The following MAX variants were observed in gnomAD, a reference collection of about 807,000 sequenced individuals.
MAX encodes MYC associated transcriptional regulator X, also known as protein max.
In MAX, 3 loss-of-function variants were observed where a neutral mutation model predicts 22.3. That is an observed-to-expected ratio of 0.13 (90% CI 0.06 to 0.35). The LOEUF (loss-of-function observed/expected upper bound fraction) is 0.35, where lower values mean the gene tolerates loss of function less well. MAX is among the 10% of genes least tolerant of loss of function. The pLI is 1.00. For missense variants in MAX, 119 were observed against 209.4 expected, an observed-to-expected ratio of 0.57 and a Z score of 2.66; for synonymous variants, 72 against 77.7, an observed-to-expected ratio of 0.93 and a Z score of 0.39.
rs367997098 is a variant in MAX, at chr14:65,077,450, G to T, written c.295+463C>A. On this transcript the variant is annotated intron_variant, in intron 4 of 4. Transcript: ENST00000358664. The surrounding 1 kb of genome is among the most constrained non-coding windows in gnomAD (Gnocchi z 6.3). ...TCCCCTGTGGTTGTAGGAAAAGGCG[G>T]GTGTGAGCATTGAGAACAGCATGGG... is the stretch of plus-strand genomic sequence containing the variant. The T allele has an allele frequency of 1.3e-6, 2 of 1,528,124 alleles. No homozygotes were observed. The highest frequency in any genetic ancestry group is 2.2e-5 in the South Asian group (2 of 89,320). The allele number at this position is 1,528,124 out of a possible 1,614,324, so 94.7% of individuals were successfully genotyped here. A position where few individuals can be genotyped will look rare whatever the true frequency, so the allele number is the denominator to read the frequency against.
At position 65,030,718 on chromosome 14, in the gene MAX, C is replaced by A. The variant is rs1050963541; in HGVS notation, c.172-24434G>T. Among the ~76,000 whole-genome samples, 3 of 150,642 alleles carry A rather than the reference C, an allele frequency of 2.0e-5. No individual in the cohort carries two copies. The highest frequency in any genetic ancestry group is 6.6e-5 in the Admixed American group (1 of 15,112). On this transcript the variant is annotated intron_variant, in intron 3 of 3. Coordinates refer to the MAX transcript ENST00000341653. The surrounding 1 kb of genome is among the most constrained non-coding windows in gnomAD (Gnocchi z 4.5). ...TAGCGCCACTGCACTGCAGCCTGGG[C>A]AACAAAGTGAGATCCTATCTTAAAA...
intron 3 of MAX, among the ~76,000 whole-genome samples, chr14:65,048,995 A>T (rs2062548971): frequency 6.6e-6 from 1 of 151,866 alleles, no homozygotes; most frequent in Non-Finnish European, 1.5e-5. Flanking sequence ...GCATGGTGCC[A>T]CGTTGCCTGT....
At position 65,044,664 on chromosome 14, in the gene MAX, G is replaced by A. The variant is rs755920502; in HGVS notation, c.172-38380C>T. 51 of 681,930 alleles carry A rather than the reference G, an allele frequency of 7.5e-5. No homozygotes were observed. Among genetic ancestry groups the A allele is most frequent in the Admixed American group, 2.6e-4 (6 of 23,496 alleles). The allele number at this position is 681,930 out of a possible 1,614,324, so 42.2% of individuals were successfully genotyped here. ...TTCTTTGCTTCTTCAAATTGGCTGCGACAGAATGAGCTTCCTTGAAATTGC... is the reference window on the plus strand; with the variant it reads ...TTCTTTGCTTCTTCAAATTGGCTGCAACAGAATGAGCTTCCTTGAAATTGC... On this transcript the variant is annotated intron_variant, in intron 3 of 3. Coordinates refer to the MAX transcript ENST00000341653. The surrounding 1 kb of genome is among the most constrained non-coding windows in gnomAD (Gnocchi z 5.5).
At chr14:65,039,097 T>C (rs1330465758) in intron 3 of MAX, among the ~76,000 whole-genome samples, 1 of 152,210 alleles carries the variant, frequency 6.6e-6, no homozygotes. Context: ...CAGCTGTCTG[T>C]TCATATTTAA....
intron 3 of MAX, chr14:65,016,652 C>T (rs1454259594): frequency 5.3e-5 from 8 of 152,306 alleles, no homozygotes; most frequent in Admixed American, 5.2e-4. Flanking sequence ...CAGAACTGCA[C>T]ATTGTCTCAT....
At chr14:65,010,854 C>T (rs1215995202) in intron 3 of MAX, among the ~76,000 whole-genome samples, 1 of 152,180 alleles carries the variant, frequency 6.6e-6, no homozygotes, top group Non-Finnish European at 1.5e-5. Context: ...TCCTCTTGTA[C>T]ACTTGATACC....
chr14:65,045,705 C>T (rs367559062), intron 3 of MAX, among the ~76,000 whole-genome samples: 8 of 152,208 alleles, frequency 5.3e-5, no homozygotes, highest in South Asian at 2.1e-4. Context: ...CGTGAGCCAC[C>T]GCACCCGGCC....
intron 3 of MAX, among the ~76,000 whole-genome samples, chr14:65,049,900 A>G (rs2062568302): frequency 6.6e-6 from 1 of 152,162 alleles, no homozygotes; most frequent in Non-Finnish European, 1.5e-5. Context: ...AAAAATCCCC[A>G]TACACATTAA....
At chr14:65,025,813 C>T (rs537247407) in intron 3 of MAX, among the ~76,000 whole-genome samples, 2 of 152,254 alleles carry the variant, frequency 1.3e-5, no homozygotes, top group South Asian at 4.1e-4. Context: ...AAGACCCTCT[C>T]TCAAAATCAA....
In MAX at chr14:65,063,868, GATTT is replaced by G. The variant is rs199890048; in HGVS notation, c.171+29836_171+29839del. 7.3e-3 allele frequency among the ~76,000 whole-genome samples: 1,105 copies of G among 152,316 alleles called. 7 individuals carry two copies. The highest frequency in any genetic ancestry group is 0.041 in the Middle Eastern group (12 of 294). ...GTGTGAGCCACCGCACCTTTGGAGA[GATTT>G]ATTATGTGACTCCTTGAGTAGAAGA... On this transcript the variant is annotated intron_variant, in intron 3 of 3. Transcript: ENST00000341653.
At chr14:65,061,505 C>A in intron 3 of MAX, 4 of 1,024,514 alleles carry the variant, frequency 3.9e-6, no homozygotes, top group South Asian at 1.8e-5. Flanking sequence ...TTTAAAAATT[C>A]TTTCCACACC....
At chr14:65,039,039 G>A (rs2062282355) in intron 3 of MAX, among the ~76,000 whole-genome samples, 2 of 151,758 alleles carry the variant, frequency 1.3e-5, no homozygotes, top group Non-Finnish European at 2.9e-5. Context: ...TGTTTGTTTT[G>A]GTCTCCTCTT....
rs2062965593 is a variant in MAX, at chr14:65,069,610, A to C, written c.171+24098T>G. On this transcript the variant is annotated intron_variant, in intron 3 of 3. Transcript: ENST00000341653. The surrounding 1 kb of genome is among the most constrained non-coding windows in gnomAD (Gnocchi z 4.6). ...GAGGCAACCCTGGAACCGCCCTATC[A>C]AGGGCACAGAGATGAAGGTACATCA... Among the ~76,000 whole-genome samples, 1 of 152,242 alleles carries C rather than the reference A, an allele frequency of 6.6e-6. No individual in the cohort carries two copies. The highest frequency in any genetic ancestry group is 2.4e-5 in the African/African-American group (1 of 41,466).
chr14:65,068,901 G>A (rs1280428361), intron 3 of MAX, among the ~76,000 whole-genome samples: 1 of 152,154 alleles, frequency 6.6e-6, no homozygotes, highest in Non-Finnish European at 1.5e-5. Flanking sequence ...ATGATGGCCT[G>A]GGCTGATGGG....
intron 3 of MAX, among the ~76,000 whole-genome samples, chr14:65,033,890 T>C (rs904037587): frequency 2.6e-5 from 4 of 152,190 alleles, no homozygotes; most frequent in African/African-American, 4.8e-5. Context: ...TAGACACATA[T>C]ATACTATGAT....
At chr14:65,016,784 T>C (rs1340352127) in intron 3 of MAX, among the ~76,000 whole-genome samples, 1 of 152,174 alleles carries the variant, frequency 6.6e-6, no homozygotes, top group Non-Finnish European at 1.5e-5. Flanking sequence ...GTAGGATGCT[T>C]TCTGAGGGAG....
intron 2 of MAX, among the ~76,000 whole-genome samples, chr14:65,099,718 A>G (rs1483481396): frequency 6.6e-6 from 1 of 152,236 alleles, no homozygotes; most frequent in African/African-American, 2.4e-5. Context: ...AAAGTTTTCA[A>G]CAGACTAGGC....
At chr14:65,096,003 A>C (rs1566625830) in intron 2 of MAX, among the ~76,000 whole-genome samples, 1 of 152,154 alleles carries the variant, frequency 6.6e-6, no homozygotes, top group Non-Finnish European at 1.5e-5. Context: ...AAAGGACTCA[A>C]ATGGACAAGT....
chr14:65,077,445 A>C lies in MAX; in HGVS notation c.295+468T>G. 6.4e-7 allele frequency: 1 copy of C among 1,558,500 alleles called. No individual in the cohort carries two copies. On this transcript the variant is annotated intron_variant, in intron 4 of 4. Transcript: ENST00000358664. This position sits in a 1 kb window ranked among gnomAD's most constrained non-coding sequence, Gnocchi z 6.3. ...CGCTTTCCCCTGTGGTTGTAGGAAA[A>C]GGCGGGTGTGAGCATTGAGAACAGC...
Sources: gnomAD v4.1 joint callset for allele counts (sites outside exome capture counted in the v4.1 genomes callset) on GRCh38, gnomAD v4.1.1 for gene constraint, Gnocchi (gnomAD v3.1) non-coding constraint, MANE v1.5 for transcripts, NCBI Gene and HGNC (gene_info 2026-07-23, HGNC 2026-07-21) for gene names.